Variants in CENPV observed in about 807,000 individuals in gnomAD.
CENPV encodes centromere protein V.
CENPV carries 15 observed loss-of-function variants against 26.4 expected under a neutral mutation model. That is an observed-to-expected ratio of 0.57 (90% CI 0.38 to 0.88). The LOEUF is 0.88. Ranked by LOEUF, CENPV falls within the 40% of genes least tolerant of loss-of-function variation. The pLI, the probability that CENPV is intolerant of heterozygous loss-of-function variation, is 0.00. For synonymous variants in CENPV, 172 were observed against 165.5 expected (o/e 1.04, Z -0.30); for missense variants, 336 against 376.5 (o/e 0.89, Z 0.89).
chr17:16,352,917 G>A, intron 1 of CENPV, 110 bp downstream of exon 1: 1 of 1,344,208 alleles, frequency 7.4e-7, no homozygotes. Flanking sequence ...TAACGTGGAA[G>A]GCTCAGAGCT....
chr17:16,344,206 A>C (rs563158445), intron 4 of CENPV: 1 of 155,330 alleles, frequency 6.4e-6, no homozygotes, highest in African/African-American at 2.4e-5. Flanking sequence ...AATGCTCCCC[A>C]ATCTTGCCTC....
chr17:16,350,812 C>T (rs191349766), intron 1 of CENPV: 482 of 152,264 alleles, frequency 3.2e-3, no homozygotes, highest in African/African-American at 0.011. Flanking sequence ...TGTACTCAAT[C>T]AAGTCCAGAG....
chr17:16,353,358 A>AGGCCGCGGG lies in CENPV; in HGVS notation c.70_78dup (p.Pro24_Ala26dup), dbSNP rs776046857. Reference sequence around the variant, plus strand: ...CTGGGTGCCAAGGCAGCGGCCGCGGAGGCCGCGGGGGCCGCGGAGGCCCCG... The same window carrying AGGCCGCGGG: ...CTGGGTGCCAAGGCAGCGGCCGCGGAGGCCGCGGGGGCCGCGGGGGCCGCGGAGGCCCCG... On this transcript the variant is annotated inframe_insertion, in exon 1 of 5. Coordinates refer to ENST00000299736, the MANE Select transcript of CENPV (RefSeq NM_181716.3). The AGGCCGCGGG allele has an allele frequency of 1.6e-3, 1,601 of 1,030,762 alleles. 21 individuals carry two copies. In the African/African-American group the frequency reaches 0.027, roughly 18 times the overall value. The allele number at this position is 1,030,762 out of a possible 1,614,324, so 63.9% of individuals were successfully genotyped here. A position where few individuals can be genotyped will look rare whatever the true frequency, so the allele number is the denominator to read the frequency against.
intron 3 of CENPV, among the ~76,000 whole-genome samples, chr17:16,345,641 CAG>C (rs1246763854): frequency 6.6e-6 from 1 of 151,700 alleles, no homozygotes; most frequent in African/African-American, 2.4e-5. Flanking sequence ...TTCTTGAGGA[CAG>C]AGACCCATCT....
At chr17:16,346,218 A>G (rs1010989621) in intron 3 of CENPV, among the ~76,000 whole-genome samples, 2 of 152,264 alleles carry the variant, frequency 1.3e-5, no homozygotes, top group South Asian at 2.1e-4. Flanking sequence ...GCTTTAGCAC[A>G]CAATTCCATT....
chr17:16,349,326 T>G (rs1205413732), intron 2 of CENPV: 25 of 985,806 alleles, frequency 2.5e-5, no homozygotes, highest in Non-Finnish European at 3.0e-5. Context: ...CATATATAAT[T>G]CCGGTACCTA....
rs7477 is a variant in CENPV at position 16,342,702 on chromosome 17, A to C, written c.*115T>G. 0.45 allele frequency: 559,713 copies of C among 1,256,326 alleles called. 135,929 individuals carry two copies. The highest frequency in any genetic ancestry group is 0.5 in the Non-Finnish European group (444,127 of 880,122). The allele number at this position is 1,256,326 out of a possible 1,614,324, so 77.8% of individuals were successfully genotyped here. A position where few individuals can be genotyped will look rare whatever the true frequency, so the allele number is the denominator to read the frequency against. On this transcript the variant is annotated 3_prime_UTR_variant, in exon 5 of 5. Coordinates refer to ENST00000299736, the MANE Select transcript of CENPV (RefSeq NM_181716.3). ...TGCAGAGATCAAGATGACCCTAGTC[A>C]ACGGAACCAGCAGCCCAGGTCAGCC...
At chr17:16,350,723 G>C (rs11653585) in intron 1 of CENPV, 62,032 of 151,876 alleles carry the variant, frequency 0.41, 14,315 homozygotes, top group Middle Eastern at 0.52. Context: ...TACCCTTACC[G>C]ACCTTAACAA....
At chr17:16,344,558 T>G in intron 4 of CENPV, 39 bp downstream of exon 4, 3 of 1,244,950 alleles carry the variant, frequency 2.4e-6, no homozygotes, top group Non-Finnish European at 3.4e-6. Context: ...TGGGCCTCTC[T>G]GTGTCCCCCT....
rs1376639321 is a variant in CENPV, at chr17:16,345,279, A to AC, written c.580-569_580-568insG. 8.8e-3 allele frequency among the ~76,000 whole-genome samples: 1,303 copies of AC among 147,516 alleles called. 25 individuals are homozygous for AC. The highest frequency in any genetic ancestry group is 0.031 in the African/African-American group (1,202 of 38,606). On this transcript the variant is annotated intron_variant, in intron 3 of 4. Coordinates refer to ENST00000299736, the MANE Select transcript of CENPV (RefSeq NM_181716.3). Reference sequence around the variant, plus strand: ...TCCGTCTCAAAAAAAAAAAAAAAAAAAACACCTTTGGCCAGGCATGGTGGC... The same window carrying AC: ...TCCGTCTCAAAAAAAAAAAAAAAAAACAACACCTTTGGCCAGGCATGGTGGC...
intron 3 of CENPV, among the ~76,000 whole-genome samples, chr17:16,346,066 T>G (rs1002321292): frequency 6.6e-6 from 1 of 152,208 alleles, no homozygotes; most frequent in African/African-American, 2.4e-5. Flanking sequence ...TGAGATGTAT[T>G]TCACTGTCAG....
intron 4 of CENPV, 112 bp downstream of exon 4, chr17:16,344,485 C>T (rs539536382): frequency 4.0e-5 from 20 of 499,794 alleles, no homozygotes; most frequent in Admixed American, 2.8e-4. Flanking sequence ...CTCTAAGATA[C>T]GCATGTGACA....
At chr17:16,344,747 A>C (rs185011095) in intron 3 of CENPV, 36 bp from the exon 4 acceptor site, 17 of 1,190,894 alleles carry the variant, frequency 1.4e-5, no homozygotes, top group Middle Eastern at 4.0e-4. Flanking sequence ...TCTTTTTTAC[A>C]AAGAGATTTA....
At chr17:16,348,579 G>A in intron 3 of CENPV, 37 bp downstream of exon 3, 1 of 1,612,488 alleles carries the variant, frequency 6.2e-7, no homozygotes, top group South Asian at 1.1e-5. Flanking sequence ...CTCACCAATG[G>A]GTTCTGCACT....
chr17:16,350,589 C>T (rs938775924), intron 1 of CENPV: 3 of 152,604 alleles, frequency 2.0e-5, no homozygotes, highest in African/African-American at 2.4e-5. Context: ...GATCCACCCA[C>T]GGGGACTCCC....
Position 16,348,671 on chromosome 17 carries a change from T to C in CENPV, c.524A>G (p.Lys175Arg), listed in dbSNP as rs1600906272. 2 of 1,614,066 alleles carry C rather than the reference T, an allele frequency of 1.2e-6. No homozygotes were observed. Among genetic ancestry groups the C allele is most frequent in the South Asian group, 1.1e-5 (1 of 91,086 alleles). Residue 175 changes from lysine to arginine, a missense_variant, in exon 3 of 5, where the codon AAG becomes AGG. Around this residue, in one of 2 missense-constraint regions of CENPV, gnomAD observed 155 missense variants for 227.8 expected, o/e 0.68. Coordinates refer to ENST00000299736, the MANE Select transcript of CENPV (RefSeq NM_181716.3). Reference protein sequence around the residue: ...HIFDCNCSICKKKQNRHFIVP... With the variant: ...HIFDCNCSICRKKQNRHFIVP... The stretch of plus-strand genomic sequence containing the variant: ...AATGAAGTGTCTATTCTGCTTCTTC[T>C]TGCAAATGCTGCAACTACAGAAAGA...
chr17:16,342,784 A>T lies in CENPV; in HGVS notation c.*33T>A. On this transcript the variant is annotated 3_prime_UTR_variant, in exon 5 of 5. Coordinates refer to ENST00000299736, the MANE Select transcript of CENPV (RefSeq NM_181716.3). ...GAGAGCAAAGTTGCTGGCCCCAATC[A>T]TTCCTCCTTTTCAGGGCAGGAGAGG... The T allele has an allele frequency of 6.2e-7, 1 of 1,612,992 alleles. No homozygotes were observed. Among genetic ancestry groups the T allele is most frequent in the African/African-American group, 1.3e-5 (1 of 74,806 alleles).
intron 2 of CENPV, chr17:16,348,927 G>C: frequency 7.7e-7 from 1 of 1,306,518 alleles, no homozygotes; most frequent in East Asian, 3.3e-5. Flanking sequence ...AGGACCAACA[G>C]ACAGGTCTGT....
intron 2 of CENPV, chr17:16,349,554 C>A: frequency 9.9e-7 from 1 of 1,006,458 alleles, no homozygotes. Context: ...CTAACATACC[C>A]TCCAACTCTC....
Sources: allele counts gnomAD v4.1 joint callset (sites outside exome capture counted in the v4.1 genomes callset), GRCh38; gene constraint gnomAD v4.1.1; regional missense constraint gnomAD v4.1.1; transcripts MANE v1.5; gene names NCBI Gene and HGNC (gene_info 2026-07-23, HGNC 2026-07-21).